Variants in TRIT1 observed in about 807,000 individuals in gnomAD.
The protein encoded by TRIT1 is tRNA dimethylallyltransferase.
In TRIT1, 43 loss-of-function variants were observed where a neutral mutation model predicts 51.2. The observed-to-expected ratio is 0.84, with a 90% CI of 0.66 to 1.08. The LOEUF (loss-of-function observed/expected upper bound fraction) is 1.08. TRIT1 is among the 50% of genes least tolerant of loss of function. The pLI is 0.00. For missense variants in TRIT1, 528 were observed against 578.4 expected (o/e 0.91, Z 0.89); for synonymous variants, 184 against 203.9 (o/e 0.90, Z 0.83).
At chr1:39,847,937 T>C in intron 6 of TRIT1, 49 bp downstream of exon 6, 2 of 1,550,996 alleles carry the variant, frequency 1.3e-6, no homozygotes, top group Non-Finnish European at 1.8e-6. Context: ...GGTCTTTTGA[T>C]TGTCTGCAAA....
rs542974979 is a variant in TRIT1, at chr1:39,844,988, T to C, written c.1007-348A>G. ...AAACTAACAGCTTTAAGTAAGTGCC[T>C]ATTCTAAGTTCCATATCATCTTACA... is the stretch of plus-strand genomic sequence containing the variant. On this transcript the variant is annotated intron_variant, in intron 8 of 10. Coordinates refer to ENST00000316891, the MANE Select transcript of TRIT1 (RefSeq NM_017646.6). Among the ~76,000 whole-genome samples, 33 of 152,344 alleles carry C rather than the reference T, an allele frequency of 2.2e-4. No individual in the cohort carries two copies. In the South Asian group the frequency reaches 5.8e-3, roughly 27 times the overall value.
intron 1 of TRIT1, among the ~76,000 whole-genome samples, chr1:39,868,536 CA>C (rs1239269196): frequency 6.6e-6 from 1 of 151,316 alleles, no homozygotes; most frequent in African/African-American, 2.4e-5. Context: ...CCCAGCTACT[CA>C]GGAGGCTGAG....
At chr1:39,859,681 C>G (rs189300803) in intron 1 of TRIT1, among the ~76,000 whole-genome samples, 1 of 152,092 alleles carries the variant, frequency 6.6e-6, no homozygotes. Flanking sequence ...TTCTCACAGC[C>G]CTTGGTTGGC....
At chr1:39,873,453 GAA>G (rs1167974985) in intron 1 of TRIT1, among the ~76,000 whole-genome samples, 2 of 152,122 alleles carry the variant, frequency 1.3e-5, no homozygotes, top group African/African-American at 4.8e-5. Context: ...AAAAGACAAG[GAA>G]AGACTGAAAA....
chr1:39,856,047 C>T (rs1642878653), intron 2 of TRIT1, among the ~76,000 whole-genome samples: 1 of 152,038 alleles, frequency 6.6e-6, no homozygotes, highest in African/African-American at 2.4e-5. Flanking sequence ...TGGCTCATGC[C>T]TGTTATCCCA....
At position 39,840,655 on chromosome 1, in the gene TRIT1, T is replaced by C. The variant is rs1332565817; in HGVS notation, c.*1089A>G. On this transcript the variant is annotated 3_prime_UTR_variant, in exon 11 of 11. Coordinates refer to ENST00000316891, the MANE Select transcript of TRIT1 (RefSeq NM_017646.6). ...ATGTATTTGAATGGGGAGTTAACGC[T>C]TAAAGGGCACAAAGTTTGTTTGGAG... 6.6e-6 allele frequency among the ~76,000 whole-genome samples: 1 copy of C among 152,224 alleles called. No individual in the cohort carries two copies. Among genetic ancestry groups the C allele is most frequent in the Non-Finnish European group, 1.5e-5 (1 of 68,042 alleles).
chr1:39,854,867 G>A (rs1024364548), intron 2 of TRIT1, among the ~76,000 whole-genome samples: 3 of 151,680 alleles, frequency 2.0e-5, no homozygotes, highest in Non-Finnish European at 4.4e-5. Flanking sequence ...TTTGAGACAG[G>A]GTCTCACTCT....
At chr1:39,869,835 G>A (rs568257330) in intron 1 of TRIT1, among the ~76,000 whole-genome samples, 3 of 151,084 alleles carry the variant, frequency 2.0e-5, no homozygotes, top group African/African-American at 4.9e-5. Context: ...CCCGGCAGCC[G>A]CCCCGTCTGG....
chr1:39,872,812 A>G (rs1643921776), intron 1 of TRIT1, among the ~76,000 whole-genome samples: 4 of 124,508 alleles, frequency 3.2e-5, no homozygotes, highest in African/African-American at 1.3e-4. Context: ...GAAAGGAAGG[A>G]AGGGAGGGAG....
At chr1:39,855,573 T>C (rs1642844682) in intron 2 of TRIT1, among the ~76,000 whole-genome samples, 1 of 152,206 alleles carries the variant, frequency 6.6e-6, no homozygotes, top group African/African-American at 2.4e-5. Context: ...CAATGAGCAT[T>C]TCCTTTGAGC....
At chr1:39,857,621 T>G (rs1338838221) in intron 1 of TRIT1, among the ~76,000 whole-genome samples, 1 of 152,224 alleles carries the variant, frequency 6.6e-6, no homozygotes, top group Non-Finnish European at 1.5e-5. Flanking sequence ...ATTGGTTTTC[T>G]TATCAAATAG....
At position 39,838,623 on chromosome 1, in the gene TRIT1, C is replaced by T. The variant is rs1284413930; in HGVS notation, c.*3121G>A. 6.6e-6 allele frequency among the ~76,000 whole-genome samples: 1 copy of T among 152,110 alleles called. No homozygotes were observed. The highest frequency in any genetic ancestry group is 6.5e-5 in the Admixed American group (1 of 15,282). On this transcript the variant is annotated 3_prime_UTR_variant, in exon 11 of 11. Transcript: ENST00000316891. ...CGTAGCTGGGACTATAGGCATGACC[C>T]ACCATACCCGGCATGCATACATATA... is the stretch of plus-strand genomic sequence containing the variant.
chr1:39,855,821 T>C (rs1642863963), intron 2 of TRIT1, among the ~76,000 whole-genome samples: 1 of 152,132 alleles, frequency 6.6e-6, no homozygotes, highest in Non-Finnish European at 1.5e-5. Context: ...GACTGTGATA[T>C]TGAGCAAACA....
chr1:39,844,838 G>C (rs1344169468), intron 8 of TRIT1, among the ~76,000 whole-genome samples, 198 bp from the exon 9 acceptor site: 1 of 152,234 alleles, frequency 6.6e-6, no homozygotes, highest in Non-Finnish European at 1.5e-5. Context: ...AGTAAGACTA[G>C]CTACATAATC....
chr1:39,844,595 T>A lies in TRIT1; in HGVS notation c.1052A>T (p.Asp351Val). The A allele has an allele frequency of 6.2e-7, 1 of 1,613,990 alleles. No individual in the cohort carries two copies. The highest frequency in any genetic ancestry group is 8.5e-7 in the Non-Finnish European group (1 of 1,179,958). The change falls in exon 9 of 11, where the codon GAT becomes GTT. Residue 351 changes from aspartate (D) to valine (V), a missense_variant. Asp to Val is a radical substitution (Grantham distance 152, BLOSUM62 -3). Transcript: ENST00000316891. The stretch of plus-strand genomic sequence containing the variant: ...AACAGACTCTTCCCACTTCGAGACA[T>A]CAGATACCTCTAAGCCATAGACAGG... The part of the protein sequence containing the change: ...VPPVYGLEVS[D>V]VSKWEESVLE...
chr1:39,877,285 C>T (rs1229706585), intron 1 of TRIT1, among the ~76,000 whole-genome samples: 2 of 147,210 alleles, frequency 1.4e-5, no homozygotes, highest in East Asian at 4.0e-4. Flanking sequence ...TCACTTGGGG[C>T]CAAGAGTGTT....
chr1:39,883,451 C>G lies in TRIT1; in HGVS notation c.41G>C (p.Ser14Thr). ...VAAARAVPVG[S>T]GLRGLQRTLP... ...GGTCCGTTGCAGGCCCCTGAGCCCA[C>G]TGCCCACGGGAACTGCTCGTGCAGC... The change falls in exon 1 of 11, where the codon AGT (serine) becomes ACT (threonine). Residue 14 changes from serine to threonine, a missense_variant. This residue lies in a region of TRIT1 where 55 missense variants were observed against 37.0 expected (regional missense o/e 1.49). Transcript: ENST00000316891. The G allele has an allele frequency of 6.2e-7, 1 of 1,608,818 alleles. No individual in the cohort carries two copies. Among genetic ancestry groups the G allele is most frequent in the East Asian group, 2.2e-5 (1 of 44,708 alleles).
chr1:39,879,657 T>G (rs555363143), intron 1 of TRIT1, among the ~76,000 whole-genome samples: 1 of 150,546 alleles, frequency 6.6e-6, no homozygotes, highest in African/African-American at 2.4e-5. Context: ...GCGGATCACC[T>G]GAGGTCAGGA....
rs149485681 is a variant in TRIT1, at chr1:39,872,715, A to T, written c.174+10603T>A. ...TTCCTAGCTCTTTCCACTGAAAGGG[A>T]CTAGAAGCATCTTGTAATACCAGAC... On this transcript the variant is annotated intron_variant, in intron 1 of 10. Coordinates refer to ENST00000316891, the MANE Select transcript of TRIT1 (RefSeq NM_017646.6). 2.7e-3 allele frequency among the ~76,000 whole-genome samples: 410 copies of T among 150,104 alleles called. 3 individuals are homozygous for T. The highest frequency in any genetic ancestry group is 9.5e-3 in the African/African-American group (389 of 40,752).
Sources: gnomAD v4.1 joint callset for allele counts (sites outside exome capture counted in the v4.1 genomes callset) on GRCh38, gnomAD v4.1.1 for gene constraint, gnomAD v4.1.1 regional missense constraint, MANE v1.5 for transcripts, NCBI Gene and HGNC (gene_info 2026-07-23, HGNC 2026-07-21) for gene names.